CXXC5: variants seen among roughly 807,000 people sequenced by gnomAD.
The protein encoded by CXXC5 is CXXC-type zinc finger protein 5.
In CXXC5, 2 loss-of-function variants were observed where a neutral mutation model predicts 17.6. That is an observed-to-expected ratio of 0.11 (90% CI 0.05 to 0.36). The LOEUF is 0.36. Ranked by LOEUF, CXXC5 falls within the 10% of genes least tolerant of loss-of-function variation. The pLI, the probability that CXXC5 is intolerant of heterozygous loss-of-function variation, is 1.00. For missense variants in CXXC5, 343 were observed against 458.3 expected (o/e 0.75, Z 2.30); for synonymous variants, 171 against 193.0 (o/e 0.89, Z 0.94).
chr5:139,660,863 C>G (rs1183324552), intron 1 of CXXC5, among the ~76,000 whole-genome samples: 1 of 136,162 alleles, frequency 7.3e-6, no homozygotes, highest in Non-Finnish European at 1.6e-5. Context: ...ATCCTCCCCC[C>G]ACCCACCCAC....
intron 1 of CXXC5, among the ~76,000 whole-genome samples, chr5:139,662,155 A>C (rs966684699): frequency 5.3e-5 from 8 of 152,134 alleles, no homozygotes; most frequent in Admixed American, 2.6e-4. Flanking sequence ...CTTTCTGCCT[A>C]CCTTCCCTGC....
rs1481272878 is a variant in CXXC5, at chr5:139,661,833, T to C, written c.-161+12988T>C. On this transcript the variant is annotated intron_variant, in intron 1 of 2. Coordinates refer to ENST00000302517, the MANE Select transcript of CXXC5 (RefSeq NM_016463.9). This position sits in a 1 kb window ranked among gnomAD's most constrained non-coding sequence, Gnocchi z 4.7. ...GTGGGTGGGGAAGTGGAGATGGTTT[T>C]TTCCCATAGCCAACCTGGCTCTGCC... Among the ~76,000 whole-genome samples, 1 of 152,248 alleles carries C rather than the reference T, an allele frequency of 6.6e-6. No homozygotes were observed. The highest frequency in any genetic ancestry group is 1.5e-5 in the Non-Finnish European group (1 of 68,040).
Position 139,681,384 on chromosome 5 carries a change from C to G in CXXC5, c.861C>G (p.Gly287=). The G allele has an allele frequency of 6.3e-7, 1 of 1,591,304 alleles. No individual in the cohort carries two copies. Among genetic ancestry groups the G allele is most frequent in the Non-Finnish European group, 8.6e-7 (1 of 1,166,302 alleles). The change falls in exon 2 of 3, where the codon GGC becomes GGG. Residue 287 remains glycine (G), a synonymous_variant. Transcript: ENST00000302517. ...QCSSCRNRKT[G]HQICKFRKCE... ...GCAGTTGTAGGAATCGAAAGACTGG[C>G]CATCAGATTTGCAAATTCAGAAAAT...
chr5:139,656,080 C>G (rs1020685064), intron 1 of CXXC5, among the ~76,000 whole-genome samples: 2 of 152,264 alleles, frequency 1.3e-5, no homozygotes, highest in African/African-American at 4.8e-5. Context: ...TTTCTGACCT[C>G]CTCAGACGTG....
At chr5:139,674,889 G>T (rs1413926810) in intron 1 of CXXC5, among the ~76,000 whole-genome samples, 1 of 152,130 alleles carries the variant, frequency 6.6e-6, no homozygotes, top group African/African-American at 2.4e-5. Flanking sequence ...CTGCACAACT[G>T]GGACCCTGAC....
rs4912602 is a variant in CXXC5, at chr5:139,668,475, A to G, written c.-160-11889A>G. On this transcript the variant is annotated intron_variant, in intron 1 of 2. Transcript: ENST00000302517. The surrounding 1 kb of genome is among the most constrained non-coding windows in gnomAD (Gnocchi z 4.1). ...GGCCCGGCTACCTCCCGCGCCGCCC[A>G]CTGCCCGCTCCAGGCCCGCTGCCCG... Among the ~76,000 whole-genome samples the G allele has an allele frequency of 7.6e-3, 1,149 of 151,782 alleles. 8 individuals are homozygous for G. Among genetic ancestry groups the G allele is most frequent in the Non-Finnish European group, 9.5e-3 (644 of 67,898 alleles).
At chr5:139,672,221 A>C (rs967260642) in intron 1 of CXXC5, among the ~76,000 whole-genome samples, 2 of 152,090 alleles carry the variant, frequency 1.3e-5, no homozygotes, top group African/African-American at 4.8e-5. Context: ...AGGTTCAGGC[A>C]ATTCTCCTGC....
intron 1 of CXXC5, among the ~76,000 whole-genome samples, chr5:139,674,074 C>T (rs1219318414): frequency 1.3e-5 from 2 of 152,162 alleles, no homozygotes; most frequent in East Asian, 1.9e-4. Context: ...AGGCCACCCT[C>T]TGGGTGCTCG....
rs956629739 is a variant in CXXC5 at position 139,658,591 on chromosome 5, G to T, written c.-161+9746G>T. On this transcript the variant is annotated intron_variant, in intron 1 of 2. Transcript: ENST00000302517. This position sits in a 1 kb window ranked among gnomAD's most constrained non-coding sequence, Gnocchi z 4.1. ...ATGCGGCTGGCCCACAGGCACAGGAGGGGTCCTCTTGGCGGTGCCCGCCCG... is the reference window on the plus strand; with the variant it reads ...ATGCGGCTGGCCCACAGGCACAGGATGGGTCCTCTTGGCGGTGCCCGCCCG... Among the ~76,000 whole-genome samples, 1 of 152,192 alleles carries T rather than the reference G, an allele frequency of 6.6e-6. No homozygotes were observed. The highest frequency in any genetic ancestry group is 1.5e-5 in the Non-Finnish European group (1 of 68,020).
intron 2 of CXXC5, among the ~76,000 whole-genome samples, chr5:139,682,020 G>T (rs898679658): frequency 3.3e-5 from 5 of 152,164 alleles, no homozygotes; most frequent in African/African-American, 1.2e-4. Context: ...TTTTGGGGCT[G>T]GGGTAAGGGG....
At chr5:139,659,948 C>G (rs1755697079) in intron 1 of CXXC5, among the ~76,000 whole-genome samples, 1 of 152,218 alleles carries the variant, frequency 6.6e-6, no homozygotes, top group African/African-American at 2.4e-5. Context: ...CAGCGGGTGC[C>G]CGCGCAGCCA....
At chr5:139,676,910 C>A (rs906157768) in intron 1 of CXXC5, among the ~76,000 whole-genome samples, 14 of 151,752 alleles carry the variant, frequency 9.2e-5, no homozygotes, top group Non-Finnish European at 1.5e-4. Context: ...TCTCATGATT[C>A]TGTCCCCACC....
At chr5:139,682,517 C>A (rs182796795) in intron 2 of CXXC5, among the ~76,000 whole-genome samples, 20 of 152,334 alleles carry the variant, frequency 1.3e-4, no homozygotes, top group African/African-American at 4.8e-4. Context: ...AGGCACACAC[C>A]CATATGCACA....
At chr5:139,677,032 C>T (rs1270656648) in intron 1 of CXXC5, among the ~76,000 whole-genome samples, 1 of 151,792 alleles carries the variant, frequency 6.6e-6, no homozygotes, top group East Asian at 2.0e-4. Context: ...GTCCCAGCTC[C>T]CGGCTGGCCG....
At chr5:139,678,008 G>A (rs1009728491) in intron 1 of CXXC5, among the ~76,000 whole-genome samples, 14 of 152,256 alleles carry the variant, frequency 9.2e-5, no homozygotes, top group East Asian at 1.9e-4. Flanking sequence ...CCAGCAGGCC[G>A]CAGAGGCGGG....
chr5:139,671,451 C>T (rs1056446016), intron 1 of CXXC5, among the ~76,000 whole-genome samples: 3 of 152,236 alleles, frequency 2.0e-5, no homozygotes, highest in African/African-American at 7.2e-5. Context: ...TAGATGGAGG[C>T]TTAGCAGTGG....
At chr5:139,651,818 C>T (rs894246631) in intron 1 of CXXC5, among the ~76,000 whole-genome samples, 13 of 152,010 alleles carry the variant, frequency 8.6e-5, no homozygotes, top group Non-Finnish European at 1.6e-4. Flanking sequence ...TCATTTAGTC[C>T]GAATTAACAA....
At chr5:139,662,338 C>T (rs1192471533) in intron 1 of CXXC5, among the ~76,000 whole-genome samples, 1 of 152,058 alleles carries the variant, frequency 6.6e-6, no homozygotes, top group African/African-American at 2.4e-5. Flanking sequence ...GAGGGTATGC[C>T]CTCAGGGAGC....
At chr5:139,673,075 C>T (rs931507245) in intron 1 of CXXC5, among the ~76,000 whole-genome samples, 13 of 152,154 alleles carry the variant, frequency 8.5e-5, no homozygotes, top group Middle Eastern at 3.2e-3. Context: ...TCAGAGATCA[C>T]CACATTGGGA....
Sources: allele counts gnomAD v4.1 joint callset (sites outside exome capture counted in the v4.1 genomes callset), GRCh38; gene constraint gnomAD v4.1.1; non-coding constraint Gnocchi (gnomAD v3.1); transcripts MANE v1.5; gene names NCBI Gene and HGNC (gene_info 2026-07-23, HGNC 2026-07-21).